ADRA1B: variants seen among roughly 807,000 people sequenced by gnomAD.
ADRA1B encodes alpha-1B adrenergic receptor.
ADRA1B carries 17 observed loss-of-function variants against 17.9 expected under a neutral mutation model. The observed-to-expected ratio is 0.95, with a 90% CI of 0.65 to 1.42. The LOEUF (loss-of-function observed/expected upper bound fraction) is 1.42. ADRA1B is among the 40% of genes most tolerant of loss of function. The pLI is 0.00. For synonymous variants in ADRA1B, 366 were observed against 327.6 expected, an observed-to-expected ratio of 1.12 and a Z score of -1.27; for missense variants, 681 against 722.1, an observed-to-expected ratio of 0.94 and a Z score of 0.65.
chr5:159,935,603 G>A (rs577010162), intron 1 of ADRA1B, among the ~76,000 whole-genome samples: 1 of 152,088 alleles, frequency 6.6e-6, no homozygotes, highest in Admixed American at 6.5e-5. Flanking sequence ...CTGGAGAACC[G>A]TGGCGCAATC....
chr5:159,970,261 AT>A (rs373657085), intron 1 of ADRA1B, among the ~76,000 whole-genome samples: 44 of 152,116 alleles, frequency 2.9e-4, no homozygotes, highest in African/African-American at 9.2e-4. Flanking sequence ...TGTCTTTAAC[AT>A]GTTTTTGTTA....
At chr5:159,903,200 T>A (rs1227807519) in intron 1 of ADRA1B, among the ~76,000 whole-genome samples, 1 of 152,056 alleles carries the variant, frequency 6.6e-6, no homozygotes, top group Non-Finnish European at 1.5e-5. Flanking sequence ...GCATCAAGGT[T>A]CCCACCCCAA....
intron 1 of ADRA1B, among the ~76,000 whole-genome samples, chr5:159,886,829 T>C (rs1210143159): frequency 6.6e-6 from 1 of 152,130 alleles, no homozygotes; most frequent in Non-Finnish European, 1.5e-5. Flanking sequence ...AAGAGAGTAA[T>C]GGAACTTTCC....
intron 1 of ADRA1B, among the ~76,000 whole-genome samples, chr5:159,951,728 T>C (rs2113262543): frequency 6.6e-6 from 1 of 152,274 alleles, no homozygotes; most frequent in Admixed American, 6.5e-5. Flanking sequence ...CAAAACCACC[T>C]CATCCTAGTC....
At chr5:159,933,468 T>C (rs1460603143) in intron 1 of ADRA1B, among the ~76,000 whole-genome samples, 1 of 152,268 alleles carries the variant, frequency 6.6e-6, no homozygotes, top group East Asian at 1.9e-4. Context: ...CCAGTTTTTA[T>C]GCTGATAGCG....
At chr5:159,900,475 T>G (rs6891437) in intron 1 of ADRA1B, among the ~76,000 whole-genome samples, 40,814 of 152,072 alleles carry the variant, frequency 0.27, 5,793 homozygotes, top group Middle Eastern at 0.32. Flanking sequence ...CATATTTGGT[T>G]GTTATGGTGA....
intron 1 of ADRA1B, among the ~76,000 whole-genome samples, chr5:159,921,602 C>T (rs1291533247): frequency 1.3e-5 from 2 of 152,204 alleles, no homozygotes; most frequent in Admixed American, 1.3e-4. Flanking sequence ...GTTTAGAAAA[C>T]ACTGGAACCT....
intron 1 of ADRA1B, among the ~76,000 whole-genome samples, chr5:159,880,014 T>C (rs1455265390): frequency 6.6e-6 from 1 of 152,008 alleles, no homozygotes; most frequent in African/African-American, 2.4e-5. Flanking sequence ...ATAAATAAAA[T>C]TAAAATTAAA....
chr5:159,987,088 G>A, the ADRA1B span, among the ~76,000 whole-genome samples: 1 of 152,246 alleles, frequency 6.6e-6, no homozygotes, highest in Non-Finnish European at 1.5e-5. Flanking sequence ...GCCCCCAGCG[G>A]CGGGGGAGCC....
At chr5:159,945,811 G>C (rs1414859167) in intron 1 of ADRA1B, among the ~76,000 whole-genome samples, 1 of 151,006 alleles carries the variant, frequency 6.6e-6, no homozygotes, top group Non-Finnish European at 1.5e-5. Flanking sequence ...GCAGTGGCGC[G>C]ATCTCGGCTC....
chr5:159,971,705 T>G (rs1482554668), intron 1 of ADRA1B, among the ~76,000 whole-genome samples, 174 bp from the exon 2 acceptor site: 2 of 152,178 alleles, frequency 1.3e-5, no homozygotes, highest in Admixed American at 6.5e-5. Context: ...GTAGGATTCA[T>G]TGATTTTGAA....
At chr5:159,922,821 G>A (rs961503643) in intron 1 of ADRA1B, among the ~76,000 whole-genome samples, 35 of 152,230 alleles carry the variant, frequency 2.3e-4, no homozygotes, top group Admixed American at 3.3e-4. Context: ...AATGGTGAGC[G>A]AAATACTTAT....
At chr5:159,896,093 G>T (rs1754037903) in intron 1 of ADRA1B, among the ~76,000 whole-genome samples, 1 of 152,174 alleles carries the variant, frequency 6.6e-6, no homozygotes, top group African/African-American at 2.4e-5. Flanking sequence ...GGTATCCCCA[G>T]GACCTAGCAC....
intron 1 of ADRA1B, among the ~76,000 whole-genome samples, chr5:159,867,570 A>G (rs1011947457): frequency 6.6e-6 from 1 of 152,112 alleles, no homozygotes; most frequent in African/African-American, 2.4e-5. Context: ...TACTTGCTGT[A>G]AGTATTTTAC....
upstream of ADRA1B, among the ~76,000 whole-genome samples, chr5:159,912,773 T>C (rs894116406): frequency 6.6e-6 from 1 of 152,246 alleles, no homozygotes; most frequent in Non-Finnish European, 1.5e-5. Context: ...GTTGCATTGT[T>C]GTGAATTTGA....
At chr5:159,940,713 C>T (rs1755100927) in intron 1 of ADRA1B, among the ~76,000 whole-genome samples, 1 of 152,148 alleles carries the variant, frequency 6.6e-6, no homozygotes, top group African/African-American at 2.4e-5. Flanking sequence ...CATGCATATA[C>T]ACACACTTAC....
At chr5:159,887,853 T>G (rs1753942487) in intron 1 of ADRA1B, among the ~76,000 whole-genome samples, 1 of 151,360 alleles carries the variant, frequency 6.6e-6, no homozygotes, top group Non-Finnish European at 1.5e-5. Flanking sequence ...GCCCTAGCAT[T>G]TCGGTGGAAG....
chr5:159,899,263 A>AAAGGAAGG (rs199633101), intron 1 of ADRA1B, among the ~76,000 whole-genome samples: 2,267 of 106,440 alleles, frequency 0.021, 146 homozygotes, highest in East Asian at 0.14. Context: ...AGGAAGGAAG[A>AAAGGAAGG]AAGGAAGGAA....
chr5:159,925,491 C>G (rs1441098703), intron 1 of ADRA1B, among the ~76,000 whole-genome samples: 1 of 152,078 alleles, frequency 6.6e-6, no homozygotes, highest in Admixed American at 6.6e-5. Context: ...CATTTCAGAC[C>G]CGGATTCACC....
Sources: allele counts gnomAD v4.1 joint callset (sites outside exome capture counted in the v4.1 genomes callset), GRCh38; gene constraint gnomAD v4.1.1; transcripts MANE v1.5; gene names NCBI Gene and HGNC (gene_info 2026-07-23, HGNC 2026-07-21).